Variants in CRYZL1 observed in about 807,000 individuals in gnomAD.
CRYZL1 encodes the protein crystallin zeta like 1.
Under a neutral mutation model 50.6 loss-of-function variants are expected in CRYZL1, and 34 were observed. That is an observed-to-expected ratio of 0.67 (90% CI 0.51 to 0.89). CRYZL1 has a LOEUF of 0.89. Among genes scored for constraint, CRYZL1 ranks in the 40% least tolerant of loss-of-function variants. The pLI is 0.00. For missense variants in CRYZL1, 354 were observed against 402.3 expected (o/e 0.88, Z 1.03); for synonymous variants, 125 against 134.3 (o/e 0.93, Z 0.48).
chr21:33,602,899 ATAAGT>A (rs2086771183), intron 7 of CRYZL1, among the ~76,000 whole-genome samples: 1 of 152,250 alleles, frequency 6.6e-6, no homozygotes, highest in Admixed American at 6.5e-5. Context: ...AAATAAAACT[ATAAGT>A]TAATTTCAAG....
chr21:33,624,507 C>G (rs1240839113), intron 3 of CRYZL1, among the ~76,000 whole-genome samples, 176 bp downstream of exon 3: 5 of 152,164 alleles, frequency 3.3e-5, no homozygotes, highest in Non-Finnish European at 7.4e-5. Context: ...TGAGATTGCA[C>G]CACTGCACTC....
intron 6 of CRYZL1, among the ~76,000 whole-genome samples, chr21:33,612,065 T>A (rs1376021765): frequency 2.0e-5 from 3 of 152,218 alleles, no homozygotes; most frequent in African/African-American, 7.2e-5. Context: ...TGTTTCCAGT[T>A]TCTTTCACTA....
chr21:33,624,071 ACT>A (rs758152320), intron 3 of CRYZL1, among the ~76,000 whole-genome samples: 42 of 152,158 alleles, frequency 2.8e-4, no homozygotes, highest in East Asian at 2.7e-3. Context: ...TTAATTATAA[ACT>A]CTTAGTTTTT....
At chr21:33,609,860 GC>G (rs2086851941) in intron 6 of CRYZL1, among the ~76,000 whole-genome samples, 2 of 151,278 alleles carry the variant, frequency 1.3e-5, no homozygotes, top group Admixed American at 1.3e-4. Flanking sequence ...CTGCCACCAC[GC>G]CCGGCTAATT....
At chr21:33,613,457 C>CA in intron 6 of CRYZL1, 81 bp downstream of exon 6, 2 of 977,964 alleles carry the variant, frequency 2.0e-6, no homozygotes, top group South Asian at 1.4e-5. Flanking sequence ...ATGGTAGATT[C>CA]AAAAAAATTA....
intron 2 of CRYZL1, among the ~76,000 whole-genome samples, chr21:33,630,613 A>T (rs187946736): frequency 2.0e-5 from 3 of 151,904 alleles, no homozygotes; most frequent in Admixed American, 6.6e-5. Flanking sequence ...AAGAACTATC[A>T]TTTAATCCAA....
At chr21:33,633,473 G>T (rs1460675455) in intron 1 of CRYZL1, among the ~76,000 whole-genome samples, 2 of 152,012 alleles carry the variant, frequency 1.3e-5, no homozygotes, top group Non-Finnish European at 2.9e-5. Flanking sequence ...CAGGCTGGAG[G>T]GCGCAGTCTC....
intron 4 of CRYZL1, among the ~76,000 whole-genome samples, chr21:33,621,349 AT>A (rs1269453875): frequency 1.4e-5 from 2 of 147,948 alleles, no homozygotes; most frequent in African/African-American, 2.5e-5. Context: ...AAATTAATAG[AT>A]TTTTTTTTGA....
At position 33,639,780 on chromosome 21, in the gene CRYZL1, CT is replaced by C. The variant is rs375493530; in HGVS notation, c.-7+1900del. The C allele has an allele frequency of 2.9e-3, 405 of 141,696 alleles. 1 individual carries two copies. The highest frequency in any genetic ancestry group is 8.8e-3 in the African/African-American group (336 of 38,144). The allele number at this position is 141,696 out of a possible 1,614,324, so 8.8% of individuals were successfully genotyped here. A position where few individuals can be genotyped will look rare whatever the true frequency, so the allele number is the denominator to read the frequency against. ...TCTTTATTATGCATAAAATGGAAGA[CT>C]TTTTTTTTTGTAAAATACCATATTT... On this transcript the variant is annotated intron_variant, in intron 1 of 12. Coordinates refer to ENST00000381554, the MANE Select transcript of CRYZL1 (RefSeq NM_145858.3).
intron 4 of CRYZL1, among the ~76,000 whole-genome samples, chr21:33,617,678 G>A (rs1285350909): frequency 2.6e-5 from 4 of 152,026 alleles, no homozygotes; most frequent in African/African-American, 9.7e-5. Flanking sequence ...ACGTGATCGG[G>A]GGCTGCATGC....
At chr21:33,629,764 T>C (rs2087116237) in intron 2 of CRYZL1, among the ~76,000 whole-genome samples, 1 of 152,212 alleles carries the variant, frequency 6.6e-6, no homozygotes, top group Non-Finnish European at 1.5e-5. Flanking sequence ...ACTTCTATTA[T>C]TATGTTGAAT....
At chr21:33,596,561 C>T (rs2086694982) in intron 10 of CRYZL1, among the ~76,000 whole-genome samples, 1 of 151,952 alleles carries the variant, frequency 6.6e-6, no homozygotes, top group African/African-American at 2.4e-5. Context: ...TCGCTTGAAC[C>T]TGGGAGGCAG....
chr21:33,612,075 A>G (rs961483786), intron 6 of CRYZL1, among the ~76,000 whole-genome samples: 6 of 152,132 alleles, frequency 3.9e-5, no homozygotes, highest in Non-Finnish European at 8.8e-5. Flanking sequence ...TTCTTTCACT[A>G]TTACAAATAA....
chr21:33,640,639 A>G (rs1222911904), intron 1 of CRYZL1, among the ~76,000 whole-genome samples: 3 of 152,190 alleles, frequency 2.0e-5, no homozygotes, highest in South Asian at 2.1e-4. Context: ...GAGAATCTCT[A>G]AAGTAGTTCT....
chr21:33,607,555 C>T (rs2086826462), intron 6 of CRYZL1, among the ~76,000 whole-genome samples: 1 of 152,040 alleles, frequency 6.6e-6, no homozygotes. Context: ...TCTCTTGAAC[C>T]CAGGAGTTTG....
At chr21:33,609,414 C>G (rs1476159860) in intron 6 of CRYZL1, among the ~76,000 whole-genome samples, 1 of 152,062 alleles carries the variant, frequency 6.6e-6, no homozygotes, top group Non-Finnish European at 1.5e-5. Flanking sequence ...ATTCTTCCTT[C>G]TCAGCCTCCC....
rs371983088 is a variant in CRYZL1, at chr21:33,640,061, A to C, written c.-7+1620T>G. On this transcript the variant is annotated intron_variant, in intron 1 of 12. Transcript: ENST00000381554. The stretch of plus-strand genomic sequence containing the variant: ...GGCTGGTCTCGAACTCCTGGCCTCA[A>C]GTGATCCACCCGCCTAGGCCTCCCA... 1.8e-5 allele frequency: 24 copies of C among 1,345,836 alleles called. No individual in the cohort carries two copies. In the East Asian group the frequency reaches 3.0e-4, roughly 17 times the overall value. The allele number at this position is 1,345,836 out of a possible 1,614,324, so 83.4% of individuals were successfully genotyped here.
chr21:33,599,399 C>A, intron 8 of CRYZL1, 151 bp from the exon 9 acceptor site: 1 of 1,067,808 alleles, frequency 9.4e-7, no homozygotes, highest in Non-Finnish European at 1.4e-6. Flanking sequence ...GGGAGAAAGT[C>A]AATTTAAATT....
At position 33,603,494 on chromosome 21, in the gene CRYZL1, G is replaced by A. The variant is rs2086777576; in HGVS notation, c.375C>T (p.Ser125=). The change falls in exon 7 of 13, where the codon AGC becomes AGT. Residue 125 remains serine, a synonymous_variant. Transcript: ENST00000381554. ...EKVTWTEAAG[S]IRDGVRAYTA... is the part of the protein sequence containing the mutation. ...TATAGGCACGCACTCCATCCCGAAT[G>A]CTTCCTGCTGCTTCCGTCCATGTGA... 1.2e-6 allele frequency: 2 copies of A among 1,614,136 alleles called. No individual in the cohort carries two copies. The highest frequency in any genetic ancestry group is 1.7e-6 in the Non-Finnish European group (2 of 1,180,038).
Sources: gnomAD v4.1 joint callset for allele counts (sites outside exome capture counted in the v4.1 genomes callset) on GRCh38, gnomAD v4.1.1 for gene constraint, MANE v1.5 for transcripts, NCBI Gene and HGNC (gene_info 2026-07-23, HGNC 2026-07-21) for gene names.